The following MAST4 variants were observed in gnomAD, a reference collection of about 807,000 sequenced individuals.
The protein encoded by MAST4 is microtubule associated serine/threonine kinase family member 4, also known as microtubule-associated serine/threonine-protein kinase 4.
Under a neutral mutation model 162.7 loss-of-function variants are expected in MAST4, and 89 were observed. The ratio of observed to expected loss-of-function variants is 0.55; its 90% CI spans 0.46 to 0.65. The LOEUF is 0.65. Among genes scored for constraint, MAST4 ranks in the 30% least tolerant of loss-of-function variants. The pLI is 0.00. For synonymous variants in MAST4, 1,479 were observed against 1,361.1 expected (o/e 1.09, Z -1.91); for missense variants, 3,153 against 3,374.0 (o/e 0.93, Z 1.62).
chr5:66,612,677 G>A (rs1258069478), intron 1 of MAST4, among the ~76,000 whole-genome samples: 1 of 152,204 alleles, frequency 6.6e-6, no homozygotes, highest in African/African-American at 2.4e-5. Context: ...TAAGCTGAAA[G>A]TGCCTACGGG....
At chr5:66,677,255 G>A (rs1338131088) in intron 1 of MAST4, among the ~76,000 whole-genome samples, 2 of 152,194 alleles carry the variant, frequency 1.3e-5, no homozygotes, top group African/African-American at 2.4e-5. Flanking sequence ...CTTGCAGCAC[G>A]ATTAGAAAAT....
At chr5:66,907,568 A>G (rs13185646) in intron 4 of MAST4, among the ~76,000 whole-genome samples, 4,884 of 150,148 alleles carry the variant, frequency 0.033, 147 homozygotes, top group African/African-American at 0.076. Context: ...CTATATAATG[A>G]AATGGGCATA....
chr5:66,758,305 A>G (rs1404276621), intron 1 of MAST4, among the ~76,000 whole-genome samples: 4 of 151,978 alleles, frequency 2.6e-5, no homozygotes, highest in Non-Finnish European at 5.9e-5. Flanking sequence ...TTCTATCTCA[A>G]CTAACTTGGG....
chr5:67,019,778 CG>C lies in MAST4; in HGVS notation c.675-34622del, dbSNP rs369885504. On this transcript the variant is annotated intron_variant, in intron 4 of 28. Transcript: ENST00000403625. The stretch of plus-strand genomic sequence containing the variant: ...AATATATGGACATCTAAGTTCTATC[CG>C]GGGAATTACTTTTTTTGAAAGTTGG... 8.5e-5 allele frequency among the ~76,000 whole-genome samples: 13 copies of C among 152,090 alleles called. No homozygotes were observed. The East Asian group carries it at 1.4e-3, about 16-fold the overall frequency.
intron 4 of MAST4, among the ~76,000 whole-genome samples, chr5:66,921,814 A>G (rs1281333597): frequency 2.0e-5 from 3 of 152,234 alleles, no homozygotes; most frequent in African/African-American, 7.2e-5. Flanking sequence ...TCAATGTAAG[A>G]CTTGTAAAGT....
intron 4 of MAST4, among the ~76,000 whole-genome samples, chr5:67,018,951 G>C (rs1034376587): frequency 1.8e-4 from 27 of 152,150 alleles, no homozygotes; most frequent in African/African-American, 6.5e-4. Context: ...CCCAAATCCT[G>C]GTACTCAGAC....
chr5:66,956,736 A>AT (rs1745366151), intron 4 of MAST4, among the ~76,000 whole-genome samples: 1 of 152,164 alleles, frequency 6.6e-6, no homozygotes, highest in Non-Finnish European at 1.5e-5. Context: ...ATGGGGCCAA[A>AT]TGTCCTAAAT....
At chr5:66,806,344 T>C (rs988919669) in intron 3 of MAST4, among the ~76,000 whole-genome samples, 1 of 152,230 alleles carries the variant, frequency 6.6e-6, no homozygotes, top group Non-Finnish European at 1.5e-5. Flanking sequence ...GTTAACTAGA[T>C]GCAGCTGAAG....
intron 1 of MAST4, among the ~76,000 whole-genome samples, chr5:66,705,545 A>G (rs1231000490): frequency 6.6e-6 from 1 of 152,230 alleles, no homozygotes; most frequent in African/African-American, 2.4e-5. Flanking sequence ...GGTTCCCCTG[A>G]GTCTACTTTG....
At chr5:66,964,472 A>G (rs1460235033) in intron 4 of MAST4, among the ~76,000 whole-genome samples, 1 of 151,680 alleles carries the variant, frequency 6.6e-6, no homozygotes, top group Non-Finnish European at 1.5e-5. Flanking sequence ...AGACACACAT[A>G]GTGTACCCAG....
intron 11 of MAST4, among the ~76,000 whole-genome samples, chr5:67,113,859 A>G (rs1766557756): frequency 6.6e-6 from 1 of 152,246 alleles, no homozygotes; most frequent in Non-Finnish European, 1.5e-5. Context: ...ATTGGAAATG[A>G]TCATTATCTT....
chr5:66,697,601 T>A (rs1749488503), intron 1 of MAST4, among the ~76,000 whole-genome samples: 4 of 152,186 alleles, frequency 2.6e-5, no homozygotes, highest in Admixed American at 2.6e-4. Flanking sequence ...CACAATAGAT[T>A]GAGTGCAGAA....
intron 3 of MAST4, among the ~76,000 whole-genome samples, chr5:66,862,720 A>G (rs571257586): frequency 3.9e-5 from 6 of 152,364 alleles, no homozygotes; most frequent in Admixed American, 1.3e-4. Context: ...TTACTCGTCT[A>G]TAAAACAGAG....
At chr5:66,795,122 G>C (rs1455459744) in intron 3 of MAST4, among the ~76,000 whole-genome samples, 6 of 152,148 alleles carry the variant, frequency 3.9e-5, no homozygotes, top group Non-Finnish European at 8.8e-5. Flanking sequence ...AGTCTAATTA[G>C]TTAACTCTGA....
intron 4 of MAST4, among the ~76,000 whole-genome samples, chr5:66,994,445 C>G (rs1403805467): frequency 6.6e-6 from 1 of 152,030 alleles, no homozygotes; most frequent in Non-Finnish European, 1.5e-5. Context: ...TTCCTAAAAG[C>G]TACTTATAAA....
At chr5:66,603,940 A>G (rs1248277670) in intron 1 of MAST4, among the ~76,000 whole-genome samples, 1 of 152,248 alleles carries the variant, frequency 6.6e-6, no homozygotes. Context: ...ATACCAAAAT[A>G]CAAAATTAAG....
At chr5:66,700,331 G>T (rs189316090) in intron 1 of MAST4, among the ~76,000 whole-genome samples, 18 of 152,118 alleles carry the variant, frequency 1.2e-4, no homozygotes, top group Admixed American at 5.2e-4. Flanking sequence ...ACAAATTTTT[G>T]TTCTCGCTCT....
intron 3 of MAST4, among the ~76,000 whole-genome samples, chr5:66,827,106 T>C (rs575063649): frequency 6.6e-6 from 1 of 152,324 alleles, no homozygotes; most frequent in Admixed American, 6.5e-5. Flanking sequence ...CCCTTTCTCC[T>C]CTCTTAAGTG....
intron 1 of MAST4, among the ~76,000 whole-genome samples, chr5:66,721,509 C>G (rs1312801148): frequency 6.7e-6 from 1 of 149,188 alleles, no homozygotes; most frequent in Middle Eastern, 3.2e-3. Context: ...TGCTCCTTCT[C>G]ACTCTCCTTT....
Sources: gnomAD v4.1 joint callset for allele counts (sites outside exome capture counted in the v4.1 genomes callset) on GRCh38, gnomAD v4.1.1 for gene constraint, MANE v1.5 for transcripts, NCBI Gene and HGNC (gene_info 2026-07-23, HGNC 2026-07-21) for gene names.